CAPN10: variants seen among roughly 807,000 people sequenced by gnomAD.
The protein encoded by CAPN10 is calpain-10.
Under a neutral mutation model 78.4 loss-of-function variants are expected in CAPN10, and 71 were observed. That is an observed-to-expected ratio of 0.91 (90% CI 0.75 to 1.10). CAPN10 has a LOEUF of 1.10. Among genes scored for constraint, CAPN10 ranks in the 50% least tolerant of loss-of-function variants. The pLI is 0.00. For synonymous variants in CAPN10, 437 were observed against 407.2 expected (o/e 1.07, Z -0.88); for missense variants, 849 against 924.6 (o/e 0.92, Z 1.06).
chr2:240,595,616 T>C lies in CAPN10; in HGVS notation c.1278+312T>C, dbSNP rs1230783731. Among the ~76,000 whole-genome samples, 6 of 152,226 alleles carry C rather than the reference T, an allele frequency of 3.9e-5. No homozygotes were observed. In the South Asian group the frequency reaches 6.2e-4, roughly 16 times the overall value. On this transcript the variant is annotated intron_variant, in intron 7 of 11. Transcript: ENST00000391984. ...GGGGGGCTCCTGGCAGCGCCGTGCCTTTCTGAGGCAAGGAGGTAGAGCCAG... is the reference window on the plus strand; with the variant it reads ...GGGGGGCTCCTGGCAGCGCCGTGCCCTTCTGAGGCAAGGAGGTAGAGCCAG...
chr2:240,598,513 C>T (rs1203581697), intron 11 of CAPN10, 116 bp downstream of exon 11: 8 of 1,462,420 alleles, frequency 5.5e-6, no homozygotes, highest in Non-Finnish European at 7.6e-6. Context: ...GCCCTTGACT[C>T]TTCCTGTGAG....
At chr2:240,597,828 C>G in intron 9 of CAPN10, 60 bp from the exon 10 acceptor site, 4 of 1,470,162 alleles carry the variant, frequency 2.7e-6, no homozygotes, top group Non-Finnish European at 3.7e-6. Context: ...GCAGATGGCC[C>G]TGGGCTGGGC....
rs760085751 is a variant in CAPN10 at position 240,596,786 on chromosome 2, G to A, written c.1587G>A (p.Ala529=). Residue 529 remains alanine, a synonymous_variant, in exon 9 of 12, where the codon GCG becomes GCA. Coordinates refer to ENST00000391984, the MANE Select transcript of CAPN10 (RefSeq NM_023083.4). Reference sequence around the variant, plus strand: ...GTTCTTGGAGAGTCGGCCAGACGGCGGGGGGCAGCAGGAACTTTGCCTCAT... The same window carrying A: ...GTTCTTGGAGAGTCGGCCAGACGGCAGGGGGCAGCAGGAACTTTGCCTCAT... ...LRGSWRVGQT[A]GGSRNFASYP... is the part of the protein sequence containing the mutation. 8.7e-6 allele frequency: 14 copies of A among 1,612,580 alleles called. No individual in the cohort carries two copies. In the African/African-American group the frequency reaches 1.1e-4, roughly 12 times the overall value.
intron 1 of CAPN10, among the ~76,000 whole-genome samples, chr2:240,589,122 G>T (rs2093085521): frequency 6.6e-6 from 1 of 152,180 alleles, no homozygotes; most frequent in Non-Finnish European, 1.5e-5. Flanking sequence ...GATTTTTCCA[G>T]TAAGGAAGGA....
rs372834728 is a variant in CAPN10, at chr2:240,595,195, C to T, written c.1169C>T (p.Ala390Val). Residue 390 changes from alanine (A) to valine (V), a missense_variant, in exon 7 of 12, where the codon GCG becomes GTG. Coordinates refer to ENST00000391984, the MANE Select transcript of CAPN10 (RefSeq NM_023083.4). Reference protein sequence around the residue: ...AVLQRSRLHAADWAGRARALV... With the variant: ...AVLQRSRLHAVDWAGRARALV... ...CTGCAGAGATCCAGGCTGCACGCGG[C>T]GGACTGGGCAGGCCGGGCCCGGGCA... is the stretch of plus-strand genomic sequence containing the variant. 3.0e-5 allele frequency: 49 copies of T among 1,613,640 alleles called. No individual in the cohort carries two copies. Among genetic ancestry groups the T allele is most frequent in the South Asian group, 4.4e-5 (4 of 91,086 alleles).
intron 1 of CAPN10, among the ~76,000 whole-genome samples, chr2:240,588,954 G>A (rs116369887): frequency 2.1e-4 from 31 of 147,984 alleles, no homozygotes; most frequent in African/African-American, 7.8e-4. Context: ...AAAGGGGAAG[G>A]TATATGATAG....
chr2:240,593,919 G>A lies in CAPN10; in HGVS notation c.702G>A (p.Leu234=), dbSNP rs958236911. 1.6e-5 allele frequency: 26 copies of A among 1,602,336 alleles called. No individual in the cohort carries two copies. Among genetic ancestry groups the A allele is most frequent in the Admixed American group, 3.4e-5 (2 of 59,448 alleles). The change falls in exon 5 of 12, where the codon CTG becomes CTA. Residue 234 remains leucine, a synonymous_variant. Transcript: ENST00000391984. ...TTCCTCATGCAGGTGCCCGGGAGCT[G>A]GGGGAGTTCCATGCCTTCATTGTCT... The part of the protein sequence containing the change: ...VLSPRAGARE[L]GEFHAFIVSD...
intron 4 of CAPN10, chr2:240,592,723 C>T (rs949777627): frequency 1.8e-5 from 6 of 341,654 alleles, no homozygotes; most frequent in East Asian, 7.9e-5. Flanking sequence ...TCCATGAGCA[C>T]GCACGGTTTA....
At position 240,594,531 on chromosome 2, in the gene CAPN10, G is replaced by A. The variant is rs2093123524; in HGVS notation, c.831-12G>A. ...TCGGGAGGGGCTTCTGCTGAGATGAGGTTTCTTCCAGGGGTGAAGGGTGGA... is the reference window on the plus strand; with the variant it reads ...TCGGGAGGGGCTTCTGCTGAGATGAAGTTTCTTCCAGGGGTGAAGGGTGGA... On this transcript the variant is annotated splice_polypyrimidine_tract_variant and intron_variant, in intron 5 of 11. Coordinates refer to ENST00000391984, the MANE Select transcript of CAPN10 (RefSeq NM_023083.4). The A allele has an allele frequency of 6.2e-7, 1 of 1,609,294 alleles. No individual in the cohort carries two copies. The highest frequency in any genetic ancestry group is 1.1e-5 in the South Asian group (1 of 90,906).
intron 4 of CAPN10, chr2:240,592,387 G>A (rs2093108226): frequency 2.9e-6 from 2 of 697,154 alleles, no homozygotes; most frequent in Non-Finnish European, 5.4e-6. Flanking sequence ...GTGCGAGGCA[G>A]GAAGAGGTGG....
chr2:240,590,875 C>T lies in CAPN10; in HGVS notation c.334C>T (p.Arg112Cys), dbSNP rs746568341. ...DQEYRGSFTC[R>C]IWQFGRWVEV... ...GGAGTACCGGGGCTCCTTCACCTGT[C>T]GCATTTGGCAGTTTGGACGCTGGGT... The change falls in exon 3 of 12, where the codon CGC becomes TGC. Residue 112 changes from arginine to cysteine, a missense_variant. Transcript: ENST00000391984. 5.6e-6 allele frequency: 9 copies of T among 1,614,116 alleles called. No homozygotes were observed. The highest frequency in any genetic ancestry group is 7.6e-6 in the Non-Finnish European group (9 of 1,180,048).
In CAPN10 at chr2:240,599,037, A is replaced by C; in HGVS notation, c.*357A>C. The C allele has an allele frequency of 5.4e-6, 2 of 373,140 alleles. No homozygotes were observed. The highest frequency in any genetic ancestry group is 9.8e-6 in the Non-Finnish European group (2 of 204,788). The allele number at this position is 373,140 out of a possible 1,614,324, so 23.1% of individuals were successfully genotyped here. ...GGTAGGGCAGCAGATCTTCTTTATAACTATTTATTGTTCGAATCACTTTTA... is the reference window on the plus strand; with the variant it reads ...GGTAGGGCAGCAGATCTTCTTTATACCTATTTATTGTTCGAATCACTTTTA... On this transcript the variant is annotated 3_prime_UTR_variant, in exon 12 of 12. Transcript: ENST00000391984.
Position 240,586,948 on chromosome 2 carries a change from C to G in CAPN10, c.37C>G (p.Leu13Val). The change falls in exon 1 of 12, where the codon CTG becomes GTG. Residue 13 changes from leucine (L) to valine (V), a missense_variant. By Grantham distance (32) the Leu-to-Val change is conservative. Coordinates refer to ENST00000391984, the MANE Select transcript of CAPN10 (RefSeq NM_023083.4). ...CCGGGGCGCGACGCCGGCGAGGGAG[C>G]TGTTCCGGGACGCCGCCTTCCCCGC... ...AGRGATPARE[L>V]FRDAAFPAAD... The G allele has an allele frequency of 6.8e-7, 1 of 1,470,984 alleles. No homozygotes were observed. Among genetic ancestry groups the G allele is most frequent in the Non-Finnish European group, 9.0e-7 (1 of 1,111,360 alleles). 91.1% of individuals were successfully genotyped at this position (1,470,984 alleles called of 1,614,324 possible).
In CAPN10 at chr2:240,598,070, C is replaced by T. The variant is rs1389829086; in HGVS notation, c.1926C>T (p.Ile642=). 3.1e-6 allele frequency: 5 copies of T among 1,609,278 alleles called. No homozygotes were observed. The highest frequency in any genetic ancestry group is 2.2e-5 in the East Asian group (1 of 44,782). The change falls in exon 10 of 12, where the codon ATC becomes ATT. Residue 642 remains isoleucine, a synonymous_variant. Coordinates refer to ENST00000391984, the MANE Select transcript of CAPN10 (RefSeq NM_023083.4). The part of the protein sequence containing the change: ...PDTEGAFTVT[I]ATRIDRPSIH... ...CAGAGGGGGCCTTCACAGTGACCATCGCAACCAGGATTGACAGGTGGGGCT... is the reference window on the plus strand; with the variant it reads ...CAGAGGGGGCCTTCACAGTGACCATTGCAACCAGGATTGACAGGTGGGGCT...
intron 1 of CAPN10, among the ~76,000 whole-genome samples, chr2:240,588,350 A>G (rs1361783337): frequency 6.6e-6 from 1 of 152,108 alleles, no homozygotes. Flanking sequence ...GGGGAGTATC[A>G]GTAAAGAAGA....
rs904320039 is a variant in CAPN10, at chr2:240,586,812, C to CGGGCG, written c.-92_-88dup. On this transcript the variant is annotated 5_prime_UTR_variant, in exon 1 of 12. Transcript: ENST00000391984. ...TTGGAGGGCTGGGCCGGGCGGGGAA[C>CGGGCG]GGGCGGGGCGGGCCGGAGGCGGCGG... is the stretch of plus-strand genomic sequence containing the variant. The CGGGCG allele has an allele frequency of 1.1e-5, 13 of 1,187,084 alleles. No homozygotes were observed. The highest frequency in any genetic ancestry group is 3.1e-4 in the Middle Eastern group (1 of 3,232). 73.5% of individuals were successfully genotyped at this position (1,187,084 alleles called of 1,614,324 possible).
chr2:240,591,659 C>T (rs914353721), intron 3 of CAPN10: 15 of 498,544 alleles, frequency 3.0e-5, no homozygotes, highest in Admixed American at 1.5e-4. Flanking sequence ...ATAGCTTCCA[C>T]GCCTCCTGCC....
intron 7 of CAPN10, 44 bp downstream of exon 7, chr2:240,595,348 G>A: frequency 6.3e-7 from 1 of 1,595,166 alleles, no homozygotes; most frequent in Non-Finnish European, 8.5e-7. Context: ...AGCAGGTGGT[G>A]TGGAGGCCCA....
chr2:240,591,535 G>A, intron 3 of CAPN10: 2 of 269,734 alleles, frequency 7.4e-6, no homozygotes, highest in Non-Finnish European at 1.4e-5. Context: ...CAGGGAAGCT[G>A]GTGAACATGG....
Sources: allele counts gnomAD v4.1 joint callset (sites outside exome capture counted in the v4.1 genomes callset), GRCh38; gene constraint gnomAD v4.1.1; transcripts MANE v1.5; gene names NCBI Gene and HGNC (gene_info 2026-07-23, HGNC 2026-07-21).